The following PSD3 variants were observed in gnomAD, a reference collection of about 807,000 sequenced individuals.
PSD3 encodes the protein PH and SEC7 domain-containing protein 3.
PSD3 carries 49 observed loss-of-function variants against 105.5 expected under a neutral mutation model. The ratio of observed to expected loss-of-function variants is 0.46; its 90% CI spans 0.37 to 0.59. The LOEUF (loss-of-function observed/expected upper bound fraction) is 0.59, where lower values mean the gene tolerates loss of function less well. Among genes scored for constraint, PSD3 ranks in the 20% least tolerant of loss-of-function variants. PSD3 has a pLI of 0.00. For missense variants in PSD3, 1,561 were observed against 1,263.8 expected (o/e 1.24, Z -3.57); for synonymous variants, 557 against 457.8 (o/e 1.22, Z -2.77).
chr8:19,074,460 T>G (rs62499160), intron 1 of PSD3, among the ~76,000 whole-genome samples: 69 of 151,994 alleles, frequency 4.5e-4, no homozygotes, highest in Non-Finnish European at 4.0e-4. Context: ...TCTTAAATGA[T>G]GCATATTTTT....
intron 2 of PSD3, among the ~76,000 whole-genome samples, chr8:18,926,770 T>C (rs752854241): frequency 6.6e-6 from 1 of 152,140 alleles, no homozygotes; most frequent in Non-Finnish European, 1.5e-5. Flanking sequence ...CTACAGAGGA[T>C]ACCAGCTAGT....
At chr8:18,927,967 G>A (rs1337253055) in intron 2 of PSD3, among the ~76,000 whole-genome samples, 1 of 152,126 alleles carries the variant, frequency 6.6e-6, no homozygotes, top group African/African-American at 2.4e-5. Flanking sequence ...ATGTAGAATT[G>A]CCATTCAACT....
At chr8:18,553,600 T>G (rs939635473) in intron 15 of PSD3, among the ~76,000 whole-genome samples, 1 of 152,204 alleles carries the variant, frequency 6.6e-6, no homozygotes, top group African/African-American at 2.4e-5. Context: ...CAGGGAATGC[T>G]GCTTATGAAG....
intron 4 of PSD3, among the ~76,000 whole-genome samples, chr8:18,861,290 C>T (rs1184215715): frequency 6.6e-6 from 1 of 152,134 alleles, no homozygotes; most frequent in East Asian, 1.9e-4. Context: ...ACATTTTCTA[C>T]AGAGATGGCA....
intron 9 of PSD3, among the ~76,000 whole-genome samples, chr8:18,675,804 C>T (rs1800035201): frequency 6.6e-6 from 1 of 152,104 alleles, no homozygotes; most frequent in Non-Finnish European, 1.5e-5. Context: ...AAATTAATAT[C>T]ATAAATTAAC....
intron 10 of PSD3, among the ~76,000 whole-genome samples, chr8:18,652,654 C>A (rs184804149): frequency 1.3e-5 from 2 of 151,900 alleles, no homozygotes; most frequent in Admixed American, 1.3e-4. Flanking sequence ...CACGCCACCA[C>A]GCCCAGCTAA....
At chr8:18,536,858 AG>A (rs1799873649) in intron 15 of PSD3, among the ~76,000 whole-genome samples, 1 of 152,176 alleles carries the variant, frequency 6.6e-6, no homozygotes, top group African/African-American at 2.4e-5. Context: ...ATTCTGGTAA[AG>A]TAAGTATTCC....
chr8:18,971,011 C>A (rs1200566555), intron 1 of PSD3, among the ~76,000 whole-genome samples: 1 of 151,374 alleles, frequency 6.6e-6, no homozygotes, highest in African/African-American at 2.4e-5. Context: ...AAATTCCTAA[C>A]TGCCACATAA....
intron 1 of PSD3, among the ~76,000 whole-genome samples, chr8:18,990,171 T>G (rs1825712863): frequency 6.6e-6 from 1 of 152,236 alleles, no homozygotes; most frequent in Non-Finnish European, 1.5e-5. Flanking sequence ...CTTGCCCTCT[T>G]CAATCCGTTC....
intron 1 of PSD3, among the ~76,000 whole-genome samples, chr8:19,059,259 A>G (rs1828811430): frequency 6.6e-6 from 1 of 152,246 alleles, no homozygotes; most frequent in South Asian, 2.1e-4. Flanking sequence ...AACAGGGGCC[A>G]GCAGAGGAGG....
chr8:18,593,454 C>G (rs1585328802), intron 12 of PSD3, among the ~76,000 whole-genome samples: 1 of 152,064 alleles, frequency 6.6e-6, no homozygotes, highest in South Asian at 2.1e-4. Flanking sequence ...GAACGGCGAT[C>G]GTTAAAAAGT....
intron 1 of PSD3, among the ~76,000 whole-genome samples, chr8:19,020,971 G>A (rs1280908414): frequency 6.6e-6 from 1 of 152,122 alleles, no homozygotes; most frequent in African/African-American, 2.4e-5. Context: ...GCAAGCCACT[G>A]GATATACAAA....
intron 12 of PSD3, among the ~76,000 whole-genome samples, chr8:18,580,540 A>C (rs1272713092): frequency 1.3e-5 from 2 of 152,072 alleles, no homozygotes; most frequent in Non-Finnish European, 2.9e-5. Flanking sequence ...AAACAGTGAG[A>C]ATCTGTGTCA....
At chr8:18,771,337 C>G (rs1284246948) in intron 8 of PSD3, among the ~76,000 whole-genome samples, 1 of 152,202 alleles carries the variant, frequency 6.6e-6, no homozygotes, top group Non-Finnish European at 1.5e-5. Flanking sequence ...GTCCCTATCA[C>G]TTTGAAGCAC....
At chr8:18,582,624 T>G (rs1802889945) in intron 12 of PSD3, among the ~76,000 whole-genome samples, 1 of 152,104 alleles carries the variant, frequency 6.6e-6, no homozygotes, top group Non-Finnish European at 1.5e-5. Flanking sequence ...GATCAAAGTA[T>G]GCATAATTGC....
chr8:18,840,395 C>T (rs1264693898), intron 4 of PSD3, among the ~76,000 whole-genome samples: 1 of 152,186 alleles, frequency 6.6e-6, no homozygotes, highest in African/African-American at 2.4e-5. Context: ...TAAATGAACC[C>T]TAGTTGGTCT....
intron 1 of PSD3, among the ~76,000 whole-genome samples, chr8:19,073,941 C>T (rs1166697838): frequency 6.6e-6 from 1 of 152,004 alleles, no homozygotes; most frequent in Non-Finnish European, 1.5e-5. Context: ...CAGGCGCCTG[C>T]CACCACGCCT....
chr8:18,977,303 C>T (rs938968147), intron 1 of PSD3, among the ~76,000 whole-genome samples: 1 of 150,274 alleles, frequency 6.7e-6, no homozygotes, highest in Non-Finnish European at 1.5e-5. Flanking sequence ...GCCAGACTAT[C>T]TGAGCTCATT....
At chr8:18,951,596 G>C (rs970047681) in intron 1 of PSD3, among the ~76,000 whole-genome samples, 1 of 152,140 alleles carries the variant, frequency 6.6e-6, no homozygotes, top group Non-Finnish European at 1.5e-5. Flanking sequence ...TGTTAACATT[G>C]TTAGTTGCTT....
Sources: gnomAD v4.1 joint callset for allele counts (sites outside exome capture counted in the v4.1 genomes callset) on GRCh38, gnomAD v4.1.1 for gene constraint, MANE v1.5 for transcripts, NCBI Gene and HGNC (gene_info 2026-07-23, HGNC 2026-07-21) for gene names.